CYP27C1: variants seen among roughly 807,000 people sequenced by gnomAD.
The protein encoded by CYP27C1 is cytochrome P450 family 27 subfamily C member 1, also known as cytochrome P450 27C1.
In CYP27C1, 29 loss-of-function variants were observed where a neutral mutation model predicts 40.6. That is an observed-to-expected ratio of 0.71 (90% CI 0.53 to 0.97). The LOEUF (loss-of-function observed/expected upper bound fraction) is 0.97, where lower values mean the gene tolerates loss of function less well. CYP27C1 is among the 50% of genes least tolerant of loss of function. The pLI, the probability that CYP27C1 is intolerant of heterozygous loss-of-function variation, is 0.00. For missense variants in CYP27C1, 390 were observed against 485.8 expected, an observed-to-expected ratio of 0.80 and a Z score of 1.85; for synonymous variants, 198 against 186.8, an observed-to-expected ratio of 1.06 and a Z score of -0.49.
intron 8 of CYP27C1, 110 bp from the exon 9 acceptor site, chr2:127,187,497 A>C (rs1319652059): frequency 2.4e-5 from 21 of 890,012 alleles, no homozygotes; most frequent in Non-Finnish European, 3.6e-5. Context: ...CAGAGAGCGC[A>C]GGCAATGAGC....
At chr2:127,190,331 C>CTTTTTTTTTTTTTTTTTTTTTTTTT (rs11400543) in intron 8 of CYP27C1, among the ~76,000 whole-genome samples, 1 of 120,228 alleles carries the variant, frequency 8.3e-6, no homozygotes, top group Non-Finnish European at 1.6e-5. Context: ...TGTGGCTTCT[C>CTTTTTTTTTTTTTTTTTTTTTTTTT]TTTTTTTTTT....
At chr2:127,215,769 C>A (rs1683420039) in intron 1 of CYP27C1, among the ~76,000 whole-genome samples, 1 of 150,266 alleles carries the variant, frequency 6.7e-6, no homozygotes, top group Admixed American at 6.7e-5. Context: ...AAGCACATAT[C>A]TGATAAGGGA....
intron 1 of CYP27C1, among the ~76,000 whole-genome samples, chr2:127,211,374 T>G (rs1251710682): frequency 3.9e-4 from 35 of 89,718 alleles, no homozygotes; most frequent in East Asian, 1.0e-3. Context: ...TTTTTGTTTT[T>G]TTTTTTTTTT....
Position 127,209,888 on chromosome 2 carries a change from G to T in CYP27C1, c.283-3798C>A, listed in dbSNP as rs185238361. Among the ~76,000 whole-genome samples, 1 of 152,144 alleles carries T rather than the reference G, an allele frequency of 6.6e-6. No individual in the cohort carries two copies. Among genetic ancestry groups the T allele is most frequent in the Non-Finnish European group, 1.5e-5 (1 of 68,030 alleles). ...TCATAAAAACAGCAAACCTACAATC[G>T]ACTGGAGCACCAGAAGGAGACGGGG... On this transcript the variant is annotated intron_variant, in intron 1 of 8. Coordinates refer to ENST00000664447, the MANE Select transcript of CYP27C1 (RefSeq NM_001367502.1). The surrounding 1 kb of genome is among the most constrained non-coding windows in gnomAD (Gnocchi z 4.1).
rs554668335 is a variant in CYP27C1, at chr2:127,189,083, G to A, written c.1498-1696C>T. ...TGGGTCTCCTAACTTCAAGGCCATC[G>A]TGCCACACGGTATTTTTTCTTTTCT... is the stretch of plus-strand genomic sequence containing the variant. On this transcript the variant is annotated intron_variant, in intron 8 of 8. Coordinates refer to ENST00000664447, the MANE Select transcript of CYP27C1 (RefSeq NM_001367502.1). Among the ~76,000 whole-genome samples the A allele has an allele frequency of 6.9e-4, 105 of 152,072 alleles. 1 individual carries two copies. In the South Asian group the frequency reaches 0.021, roughly 30 times the overall value.
chr2:127,208,943 A>G lies in CYP27C1; in HGVS notation c.283-2853T>C, dbSNP rs1157256159. 6.6e-6 allele frequency among the ~76,000 whole-genome samples: 1 copy of G among 152,178 alleles called. No homozygotes were observed. Among genetic ancestry groups the G allele is most frequent in the Non-Finnish European group, 1.5e-5 (1 of 68,002 alleles). On this transcript the variant is annotated intron_variant, in intron 1 of 8. Coordinates refer to ENST00000664447, the MANE Select transcript of CYP27C1 (RefSeq NM_001367502.1). The surrounding 1 kb of genome is among the most constrained non-coding windows in gnomAD (Gnocchi z 5.2). ...TTCTCCTGGTAGTTCTGAGGAATCC[A>G]GGCAATCCAGACTAGTGGGTTTCCC...
At chr2:127,214,946 A>G (rs990965441) in intron 1 of CYP27C1, among the ~76,000 whole-genome samples, 5 of 151,256 alleles carry the variant, frequency 3.3e-5, no homozygotes, top group African/African-American at 7.3e-5. Context: ...GGCTAACACG[A>G]GGAAACCCCG....
intron 1 of CYP27C1, among the ~76,000 whole-genome samples, chr2:127,212,795 T>C (rs1033520439): frequency 1.1e-4 from 16 of 152,198 alleles, no homozygotes; most frequent in African/African-American, 3.9e-4. Context: ...CTATTCAACA[T>C]AGTATTGGAA....
At position 127,209,782 on chromosome 2, in the gene CYP27C1, T is replaced by C. The variant is rs1264745096; in HGVS notation, c.283-3692A>G. ...AGGATATCAGAATTTGAAGACCACC[T>C]TACTGAAATAAGACATGCAGACAAG... On this transcript the variant is annotated intron_variant, in intron 1 of 8. Transcript: ENST00000664447. The surrounding 1 kb of genome is among the most constrained non-coding windows in gnomAD (Gnocchi z 4.1). Among the ~76,000 whole-genome samples the C allele has an allele frequency of 6.6e-6, 1 of 152,070 alleles. No homozygotes were observed. The highest frequency in any genetic ancestry group is 1.9e-4 in the East Asian group (1 of 5,200).
At chr2:127,193,558 C>G (rs1233082622) in intron 7 of CYP27C1, among the ~76,000 whole-genome samples, 1 of 152,236 alleles carries the variant, frequency 6.6e-6, no homozygotes, top group Non-Finnish European at 1.5e-5. Flanking sequence ...GCCTGGGGAG[C>G]AGGCCAAGGA....
Position 127,219,469 on chromosome 2 carries a change from C to G in CYP27C1, c.282+520G>C, listed in dbSNP as rs1683505001. On this transcript the variant is annotated intron_variant, in intron 1 of 8. Transcript: ENST00000664447. The surrounding 1 kb of genome is among the most constrained non-coding windows in gnomAD (Gnocchi z 8.7). ...GCCTGGGTCCCTCCCCGGGACCAGT[C>G]CCTGGAGACCCTGCCCGCCGCCTCT... Among the ~76,000 whole-genome samples the G allele has an allele frequency of 6.6e-6, 1 of 151,984 alleles. No homozygotes were observed. Among genetic ancestry groups the G allele is most frequent in the South Asian group, 2.1e-4 (1 of 4,814 alleles).
chr2:127,188,273 C>G (rs890307244), intron 8 of CYP27C1, among the ~76,000 whole-genome samples: 9 of 152,196 alleles, frequency 5.9e-5, no homozygotes, highest in Admixed American at 5.2e-4. Context: ...CCAGAATGGG[C>G]TGGGGCTCCA....
At chr2:127,187,439 T>G in intron 8 of CYP27C1, 52 bp from the exon 9 acceptor site, 1 of 1,495,336 alleles carries the variant, frequency 6.7e-7, no homozygotes, top group Non-Finnish European at 9.3e-7. Flanking sequence ...CAGAAAATTC[T>G]CAGTGCTCCC....
chr2:127,216,583 G>T (rs1363646599), intron 1 of CYP27C1, among the ~76,000 whole-genome samples: 1 of 152,164 alleles, frequency 6.6e-6, no homozygotes, highest in Admixed American at 6.5e-5. Context: ...ATGGATATGG[G>T]ATTTCTTTTT....
Position 127,187,394 on chromosome 2 carries a change from A to G in CYP27C1, c.1498-7T>C, listed in dbSNP as rs1682654782. 2 of 1,609,082 alleles carry G rather than the reference A, an allele frequency of 1.2e-6. No homozygotes were observed. The highest frequency in any genetic ancestry group is 1.1e-5 in the South Asian group (1 of 90,964). On this transcript the variant is annotated splice_region_variant and splice_polypyrimidine_tract_variant and intron_variant, in intron 8 of 8. Transcript: ENST00000664447. Reference sequence around the variant, plus strand: ...TCTCAAAATGTTGAAGCAACTAAGAAGAGAAAGAGAGAGAAGGGGTCAGAA... The same window carrying G: ...TCTCAAAATGTTGAAGCAACTAAGAGGAGAAAGAGAGAGAAGGGGTCAGAA...
chr2:127,204,626 A>AAAGACAGAC (rs200607857), intron 2 of CYP27C1, among the ~76,000 whole-genome samples: 2 of 38,948 alleles, frequency 5.1e-5, no homozygotes, highest in Admixed American at 3.3e-4. Flanking sequence ...AGAAAGAAAG[A>AAAGACAGAC]AGACTGCAGC....
rs1683489692 is a variant in CYP27C1 at position 127,218,688 on chromosome 2, A to C, written c.282+1301T>G. On this transcript the variant is annotated intron_variant, in intron 1 of 8. Transcript: ENST00000664447. The surrounding 1 kb of genome is among the most constrained non-coding windows in gnomAD (Gnocchi z 6.0). ...ATGACTGAAGCCCAGGTGGGTAGTT[A>C]GAAGAGGCTTCGATGGAGAAGGGTC... is the stretch of plus-strand genomic sequence containing the variant. Among the ~76,000 whole-genome samples, 1 of 152,184 alleles carries C rather than the reference A, an allele frequency of 6.6e-6. No homozygotes were observed. The highest frequency in any genetic ancestry group is 1.5e-5 in the Non-Finnish European group (1 of 68,020).
At chr2:127,204,347 G>GGGA (rs1683113818) in intron 2 of CYP27C1, among the ~76,000 whole-genome samples, 1 of 29,502 alleles carries the variant, frequency 3.4e-5, no homozygotes, top group African/African-American at 1.6e-4. Context: ...GGAGGGAGGA[G>GGGA]GGAGGGGGGA....
rs1033182033 is a variant in CYP27C1 at position 127,186,160 on chromosome 2, T to C, written c.*1111A>G. 5 of 152,172 alleles carry C rather than the reference T, an allele frequency of 3.3e-5. No homozygotes were observed. Among genetic ancestry groups the C allele is most frequent in the Non-Finnish European group, 1.5e-5 (1 of 68,022 alleles). The allele number at this position is 152,172 out of a possible 1,614,324, so 9.4% of individuals were successfully genotyped here. A position where few individuals can be genotyped will look rare whatever the true frequency, so the allele number is the denominator to read the frequency against. On this transcript the variant is annotated 3_prime_UTR_variant, in exon 9 of 9. Transcript: ENST00000664447. The surrounding 1 kb of genome is among the most constrained non-coding windows in gnomAD (Gnocchi z 4.5). ...CAACAAAATTTTACGTCATCATATT[T>C]CCAGTTCTTATACGTCTGCTCTACT...
Sources: gnomAD v4.1 joint callset for allele counts (sites outside exome capture counted in the v4.1 genomes callset) on GRCh38, gnomAD v4.1.1 for gene constraint, Gnocchi (gnomAD v3.1) non-coding constraint, MANE v1.5 for transcripts, NCBI Gene and HGNC (gene_info 2026-07-23, HGNC 2026-07-21) for gene names.